Variants in CAMKMT observed in about 807,000 individuals in gnomAD.
CAMKMT encodes calmodulin-lysine N-methyltransferase.
In CAMKMT, 53 loss-of-function variants were observed where a neutral mutation model predicts 48.0. The observed-to-expected ratio is 1.10, with a 90% CI of 0.89 to 1.39. The LOEUF (loss-of-function observed/expected upper bound fraction) is 1.39, where lower values mean the gene tolerates loss of function less well. CAMKMT is among the 40% of genes most tolerant of loss of function. The pLI is 0.00. For synonymous variants in CAMKMT, 165 were observed against 152.3 expected (o/e 1.08, Z -0.61); for missense variants, 428 against 402.7 (o/e 1.06, Z -0.54).
rs1002288566 is a variant in CAMKMT, at chr2:44,753,135, G to A, written c.699-920G>A. 2.0e-5 allele frequency among the ~76,000 whole-genome samples: 3 copies of A among 151,922 alleles called. No individual in the cohort carries two copies. In the East Asian group the frequency reaches 5.8e-4, roughly 29 times the overall value. On this transcript the variant is annotated intron_variant, in intron 8 of 10. Coordinates refer to ENST00000378494, the MANE Select transcript of CAMKMT (RefSeq NM_024766.5). ...AACTATAAAAACATGAACCTGGGTT[G>A]GGTACAGTGGCATGTGCCTGTAATC...
At chr2:44,616,225 C>G (rs1671879961) in intron 3 of CAMKMT, among the ~76,000 whole-genome samples, 1 of 152,198 alleles carries the variant, frequency 6.6e-6, no homozygotes, top group African/African-American at 2.4e-5. Flanking sequence ...AACCCAATCT[C>G]CATATTCAGC....
intron 3 of CAMKMT, among the ~76,000 whole-genome samples, chr2:44,697,415 G>T (rs1000268980): frequency 6.6e-6 from 1 of 152,028 alleles, no homozygotes; most frequent in Non-Finnish European, 1.5e-5. Context: ...CCAGACTAAG[G>T]CAGGTTAGAA....
chr2:44,370,696 T>G, intron 1 of CAMKMT, among the ~76,000 whole-genome samples: 1 of 152,242 alleles, frequency 6.6e-6, no homozygotes, highest in East Asian at 1.9e-4. Context: ...ATTTTTGCAA[T>G]GAATGCTTAT....
chr2:44,368,098 A>G (rs1260635944), intron 1 of CAMKMT, among the ~76,000 whole-genome samples: 2 of 152,132 alleles, frequency 1.3e-5, no homozygotes, highest in African/African-American at 4.8e-5. Flanking sequence ...TTCTTCTGAT[A>G]CTTAATCTTT....
intron 3 of CAMKMT, among the ~76,000 whole-genome samples, chr2:44,495,242 G>A (rs1431219993): frequency 6.6e-6 from 1 of 152,116 alleles, no homozygotes; most frequent in Non-Finnish European, 1.5e-5. Flanking sequence ...CTAAGCTTAA[G>A]CAATCCTCCT....
At position 44,562,055 on chromosome 2, in the gene CAMKMT, A is replaced by T. The variant is rs571845743; in HGVS notation, c.377-142228A>T. ...GGTGGTGAACTTGTGTGAAATGAAA[A>T]TAGAAGATCAAGCTGATGCTTGGAA... On this transcript the variant is annotated intron_variant, in intron 3 of 10. Transcript: ENST00000378494. 9.2e-5 allele frequency among the ~76,000 whole-genome samples: 14 copies of T among 152,314 alleles called. No individual in the cohort carries two copies. The East Asian group carries it at 1.5e-3, about 17-fold the overall frequency.
intron 3 of CAMKMT, among the ~76,000 whole-genome samples, chr2:44,613,617 A>G (rs1042038229): frequency 6.6e-6 from 1 of 152,246 alleles, no homozygotes; most frequent in Non-Finnish European, 1.5e-5. Flanking sequence ...ATGAATCAGT[A>G]GTAATAATTA....
chr2:44,719,643 A>G (rs1279296339), intron 7 of CAMKMT, among the ~76,000 whole-genome samples: 1 of 152,214 alleles, frequency 6.6e-6, no homozygotes, highest in African/African-American at 2.4e-5. Context: ...ATGAATCCAT[A>G]AGGCTTATGG....
intron 3 of CAMKMT, among the ~76,000 whole-genome samples, chr2:44,420,357 A>G (rs934077979): frequency 1.3e-5 from 2 of 152,110 alleles, no homozygotes; most frequent in African/African-American, 4.8e-5. Context: ...ACTTTTCTCT[A>G]CATTGCTAGA....
In CAMKMT at chr2:44,553,871, A is replaced by G. The variant is rs913729651; in HGVS notation, c.377-150412A>G. ...AGCTATTTTAGTGAATTTAAAATGT[A>G]TGACATCCCTCTCATAAGGTAGCTT... On this transcript the variant is annotated intron_variant, in intron 3 of 10. Transcript: ENST00000378494. 2.6e-5 allele frequency among the ~76,000 whole-genome samples: 4 copies of G among 152,344 alleles called. No individual in the cohort carries two copies. In the South Asian group the frequency reaches 8.3e-4, roughly 32 times the overall value.
chr2:44,638,722 A>G (rs1472439575), intron 3 of CAMKMT, among the ~76,000 whole-genome samples: 1 of 152,184 alleles, frequency 6.6e-6, no homozygotes, highest in East Asian at 1.9e-4. Flanking sequence ...CATGAGGAAT[A>G]TTGTTGGGTC....
intron 3 of CAMKMT, among the ~76,000 whole-genome samples, chr2:44,688,908 A>G (rs1307454310): frequency 1.3e-5 from 2 of 152,152 alleles, no homozygotes; most frequent in Non-Finnish European, 2.9e-5. Flanking sequence ...CCTAAATACT[A>G]TTTACTCTCC....
intron 3 of CAMKMT, among the ~76,000 whole-genome samples, chr2:44,667,619 G>A (rs202130968): frequency 1.8e-4 from 28 of 151,898 alleles, no homozygotes; most frequent in East Asian, 7.7e-4. Flanking sequence ...ATTCCTCCCC[G>A]TTATCTCCAT....
intron 3 of CAMKMT, among the ~76,000 whole-genome samples, chr2:44,591,773 T>C (rs1670296597): frequency 6.6e-6 from 1 of 151,944 alleles, no homozygotes; most frequent in Non-Finnish European, 1.5e-5. Context: ...CGTATGTTTA[T>C]TGCGGCACTA....
chr2:44,434,539 T>C (rs541486184), intron 3 of CAMKMT, among the ~76,000 whole-genome samples: 1 of 152,300 alleles, frequency 6.6e-6, no homozygotes, highest in Admixed American at 6.5e-5. Flanking sequence ...TGTAATATTG[T>C]CCTACTGTAT....
At chr2:44,514,514 C>G (rs925490227) in intron 3 of CAMKMT, among the ~76,000 whole-genome samples, 3 of 152,102 alleles carry the variant, frequency 2.0e-5, no homozygotes, top group African/African-American at 7.2e-5. Context: ...CTAGTTTGTA[C>G]TAGGTAGAAA....
chr2:44,735,730 C>A (rs1679318643), intron 7 of CAMKMT, among the ~76,000 whole-genome samples: 1 of 151,290 alleles, frequency 6.6e-6, no homozygotes, highest in South Asian at 2.1e-4. Flanking sequence ...GATGAAACCC[C>A]ATCTCTACTG....
chr2:44,561,372 A>G (rs1348038428), intron 3 of CAMKMT, among the ~76,000 whole-genome samples: 2 of 152,078 alleles, frequency 1.3e-5, no homozygotes, highest in Non-Finnish European at 2.9e-5. Flanking sequence ...TCCTTTCTTA[A>G]TCTCCACTTT....
chr2:44,589,863 A>C (rs1670143860), intron 3 of CAMKMT, among the ~76,000 whole-genome samples: 1 of 78,118 alleles, frequency 1.3e-5, no homozygotes. Context: ...CCTCTGCGAG[A>C]AACACCCAAG....
Sources: allele counts gnomAD v4.1 joint callset (sites outside exome capture counted in the v4.1 genomes callset), GRCh38; gene constraint gnomAD v4.1.1; transcripts MANE v1.5; gene names NCBI Gene and HGNC (gene_info 2026-07-23, HGNC 2026-07-21).